The following FBXL17 variants were observed in gnomAD, a reference collection of about 807,000 sequenced individuals.
FBXL17 encodes the protein F-box and leucine rich repeat protein 17, also known as F-box/LRR-repeat protein 17.
A neutral mutation model predicts 66.2 loss-of-function variants in FBXL17; 22 were observed. The observed-to-expected ratio is 0.33, with a 90% CI of 0.24 to 0.47. The LOEUF is 0.47. FBXL17 is among the 20% of genes least tolerant of loss of function. FBXL17 has a pLI of 1.00. For missense variants in FBXL17, 878 were observed against 948.2 expected, an observed-to-expected ratio of 0.93 and a Z score of 0.97; for synonymous variants, 474 against 400.5, an observed-to-expected ratio of 1.18 and a Z score of -2.19.
chr5:108,201,016 T>C (rs1405256938), intron 5 of FBXL17, among the ~76,000 whole-genome samples: 1 of 152,164 alleles, frequency 6.6e-6, no homozygotes, highest in Non-Finnish European at 1.5e-5. Flanking sequence ...TGCTAAAATG[T>C]TGAGGTTCCA....
At chr5:108,367,795 G>A in intron 2 of FBXL17, 36 bp downstream of exon 2, 1 of 1,519,904 alleles carries the variant, frequency 6.6e-7, no homozygotes, top group Non-Finnish European at 8.9e-7. Flanking sequence ...TTTTTGAGTA[G>A]GTCATATGAG....
At chr5:108,233,238 A>C (rs1164449111) in intron 4 of FBXL17, among the ~76,000 whole-genome samples, 1 of 151,958 alleles carries the variant, frequency 6.6e-6, no homozygotes, top group Non-Finnish European at 1.5e-5. Flanking sequence ...CTTAGCTCTG[A>C]CATTTAGGTC....
chr5:108,017,864 T>C (rs538032894), intron 7 of FBXL17, among the ~76,000 whole-genome samples: 1 of 152,308 alleles, frequency 6.6e-6, no homozygotes, highest in Non-Finnish European at 1.5e-5. Flanking sequence ...AGAAGCCTAT[T>C]AGCATGATCG....
chr5:108,145,448 C>T (rs140313738), intron 6 of FBXL17, among the ~76,000 whole-genome samples: 106 of 152,220 alleles, frequency 7.0e-4, no homozygotes, highest in African/African-American at 2.5e-3. Flanking sequence ...AAGACATCTT[C>T]CATTTTATCT....
At chr5:108,008,003 T>C (rs1365390977) in intron 7 of FBXL17, among the ~76,000 whole-genome samples, 6 of 152,122 alleles carry the variant, frequency 3.9e-5, no homozygotes, top group Admixed American at 3.9e-4. Flanking sequence ...AGCCCCAAAA[T>C]ATTGTGGAAA....
intron 7 of FBXL17, among the ~76,000 whole-genome samples, chr5:107,961,547 A>G (rs1431795778): frequency 1.3e-5 from 2 of 151,986 alleles, no homozygotes; most frequent in African/African-American, 2.4e-5. Flanking sequence ...TGATTAACCA[A>G]TGTGATGGGG....
intron 3 of FBXL17, among the ~76,000 whole-genome samples, chr5:108,357,747 G>A (rs1251294815): frequency 1.3e-5 from 2 of 151,630 alleles, no homozygotes; most frequent in Admixed American, 1.3e-4. Flanking sequence ...TATACTTTAA[G>A]TTCTAGGGTA....
chr5:108,278,390 G>C (rs1412664824), intron 4 of FBXL17, among the ~76,000 whole-genome samples: 1 of 152,240 alleles, frequency 6.6e-6, no homozygotes, highest in Non-Finnish European at 1.5e-5. Context: ...CTAGGTGTTA[G>C]AGAAACTCGG....
At chr5:108,378,958 GAATTTTCT>G (rs1749643335) in intron 1 of FBXL17, among the ~76,000 whole-genome samples, 1 of 152,134 alleles carries the variant, frequency 6.6e-6, no homozygotes, top group Non-Finnish European at 1.5e-5. Context: ...ATCTTTATTA[GAATTTTCT>G]AATACAAGGA....
At chr5:107,914,330 C>G (rs371056917) in intron 7 of FBXL17, among the ~76,000 whole-genome samples, 143 of 152,186 alleles carry the variant, frequency 9.4e-4, no homozygotes, top group African/African-American at 3.3e-3. Flanking sequence ...CTGGAAATAC[C>G]CAAATTATGA....
intron 6 of FBXL17, among the ~76,000 whole-genome samples, chr5:108,129,032 A>C (rs1247045634): frequency 6.6e-6 from 1 of 152,146 alleles, no homozygotes; most frequent in Non-Finnish European, 1.5e-5. Context: ...CATGACTGAG[A>C]ATTACATACT....
At chr5:107,905,613 C>A (rs1383431237) in intron 7 of FBXL17, among the ~76,000 whole-genome samples, 1 of 152,082 alleles carries the variant, frequency 6.6e-6, no homozygotes, top group African/African-American at 2.4e-5. Flanking sequence ...TTAAATACAG[C>A]CAACAACAGG....
chr5:108,198,191 G>A (rs1309421660), intron 5 of FBXL17, among the ~76,000 whole-genome samples: 2 of 152,070 alleles, frequency 1.3e-5, no homozygotes, highest in Non-Finnish European at 2.9e-5. Flanking sequence ...AACACTCTAA[G>A]TCACCTAGGA....
intron 7 of FBXL17, among the ~76,000 whole-genome samples, chr5:107,920,783 T>A (rs955880100): frequency 1.3e-5 from 2 of 152,142 alleles, no homozygotes; most frequent in Non-Finnish European, 2.9e-5. Flanking sequence ...GCAATAAACC[T>A]GTTGAACAGA....
At chr5:107,878,320 A>T in intron 8 of FBXL17, 1 of 931,044 alleles carries the variant, frequency 1.1e-6, no homozygotes, top group Non-Finnish European at 1.3e-6. Context: ...TTCCAGTATC[A>T]CAACACAGGT....
chr5:108,288,767 A>G (rs540270028), intron 4 of FBXL17, among the ~76,000 whole-genome samples: 7 of 151,956 alleles, frequency 4.6e-5, no homozygotes. Flanking sequence ...TACAATAACA[A>G]AAAAGTTGAA....
rs1197383321 is a variant in FBXL17, at chr5:108,021,074, G to A, written c.1746-73C>T. 6 of 1,083,098 alleles carry A rather than the reference G, an allele frequency of 5.5e-6. No individual in the cohort carries two copies. In the African/African-American group the frequency reaches 9.3e-5, roughly 17 times the overall value. The allele number at this position is 1,083,098 out of a possible 1,614,324, so 67.1% of individuals were successfully genotyped here. A position where few individuals can be genotyped will look rare whatever the true frequency, so the allele number is the denominator to read the frequency against. ...AGCAGGGGTTTGAATATAATAGGAAGAGGTCAGTATTTGGTGAATGCCACA... is the reference window on the plus strand; with the variant it reads ...AGCAGGGGTTTGAATATAATAGGAAAAGGTCAGTATTTGGTGAATGCCACA... On this transcript the variant is annotated intron_variant, in intron 6 of 8. Coordinates refer to ENST00000542267, the MANE Select transcript of FBXL17 (RefSeq NM_001163315.3).
chr5:108,009,258 GTT>G (rs34746145), intron 7 of FBXL17, among the ~76,000 whole-genome samples: 311 of 9,292 alleles, frequency 0.033, 122 homozygotes, highest in East Asian at 0.12. Context: ...GTTGTTCCCT[GTT>G]TTATATATAT....
Position 107,954,331 on chromosome 5 carries a change from C to T in FBXL17, c.1822+66594G>A, listed in dbSNP as rs148879495. 1.6e-3 allele frequency among the ~76,000 whole-genome samples: 241 copies of T among 152,302 alleles called. 1 individual carries two copies. The highest frequency in any genetic ancestry group is 3.3e-3 in the South Asian group (16 of 4,826). On this transcript the variant is annotated intron_variant, in intron 7 of 8. Transcript: ENST00000542267. ...AATAAATACTTTTCCTGACATTTAC[C>T]TATTCAAATCACACAAAAATAATTT...
Sources: gnomAD v4.1 joint callset for allele counts (sites outside exome capture counted in the v4.1 genomes callset) on GRCh38, gnomAD v4.1.1 for gene constraint, MANE v1.5 for transcripts, NCBI Gene and HGNC (gene_info 2026-07-23, HGNC 2026-07-21) for gene names.